The following CELF5 variants were observed in gnomAD, a reference collection of about 807,000 sequenced individuals.
CELF5 encodes CUGBP Elav-like family member 5.
Under a neutral mutation model 54.9 loss-of-function variants are expected in CELF5, and 6 were observed. That is an observed-to-expected ratio of 0.11 (90% confidence interval 0.06 to 0.22). The LOEUF is 0.22. Ranked by LOEUF, CELF5 falls within the 10% of genes least tolerant of loss-of-function variation. The probability of loss-of-function intolerance (pLI) is 1.00; values close to 1 mark genes in which losing one functional copy is unlikely to be tolerated. For synonymous variants in CELF5, 271 were observed against 290.9 expected (o/e 0.93, Z 0.70); for missense variants, 401 against 678.6 (o/e 0.59, Z 4.54).
At chr19:3,241,371 G>A (rs910851111) in intron 1 of CELF5, among the ~76,000 whole-genome samples, 2 of 151,972 alleles carry the variant, frequency 1.3e-5, no homozygotes, top group South Asian at 2.1e-4. Flanking sequence ...GTGAGCCACC[G>A]CGCCCGGCCT....
intron 1 of CELF5, among the ~76,000 whole-genome samples, chr19:3,244,465 TGTGTGCATGCATCTGTGTGTGCG>T (rs2079534024): frequency 2.0e-5 from 3 of 146,814 alleles, no homozygotes; most frequent in South Asian, 2.2e-4. Context: ...TAGTGTGTGG[TGTGTGCATGCATCTGTGTGTGCG>T]GTGTGCATGC....
At chr19:3,273,398 A>G (rs2079997691) in intron 2 of CELF5, among the ~76,000 whole-genome samples, 1 of 151,804 alleles carries the variant, frequency 6.6e-6, no homozygotes, top group African/African-American at 2.4e-5. Flanking sequence ...TCCTGGGCCT[A>G]TCCACCTGGC....
intron 2 of CELF5, among the ~76,000 whole-genome samples, chr19:3,259,938 G>C (rs1346851580): frequency 6.6e-6 from 1 of 152,086 alleles, no homozygotes. Flanking sequence ...GTAATGTTCT[G>C]GAAGAGTGTT....
chr19:3,232,520 C>T (rs566059238), intron 1 of CELF5, among the ~76,000 whole-genome samples: 42 of 151,236 alleles, frequency 2.8e-4, no homozygotes, highest in Non-Finnish European at 4.4e-4. Flanking sequence ...TCCCAGCCTG[C>T]GTGATAGAGT....
chr19:3,295,216 G>A (rs2080416012), intron 12 of CELF5: 1 of 152,164 alleles, frequency 6.6e-6, no homozygotes, highest in Non-Finnish European at 1.5e-5. Flanking sequence ...GTCTGTCCTG[G>A]GGCAGGGGCG....
chr19:3,290,970 T>G (rs556085657), intron 11 of CELF5, among the ~76,000 whole-genome samples: 47 of 151,232 alleles, frequency 3.1e-4, no homozygotes, highest in Middle Eastern at 3.5e-3. Context: ...AAAGACAACC[T>G]TTTTAATTAG....
chr19:3,273,799 G>A, intron 2 of CELF5, 73 bp from the exon 3 acceptor site: 1 of 1,115,944 alleles, frequency 9.0e-7, no homozygotes, highest in Non-Finnish European at 1.4e-6. Flanking sequence ...GGCCTGCAGA[G>A]CTCAGGCAAA....
At chr19:3,238,850 A>G (rs11672767) in intron 1 of CELF5, among the ~76,000 whole-genome samples, 1 of 152,140 alleles carries the variant, frequency 6.6e-6, no homozygotes, top group South Asian at 2.1e-4. Context: ...TTGCTTGAAC[A>G]CAGTAGGTGG....
rs2080460965 is a variant in CELF5, at chr19:3,296,743, T to C, written c.*41-15T>C. The C allele has an allele frequency of 6.6e-6, 1 of 152,214 alleles. No homozygotes were observed. Among genetic ancestry groups the C allele is most frequent in the African/African-American group, 2.4e-5 (1 of 41,470 alleles). 9.4% of individuals were successfully genotyped at this position (152,214 alleles called of 1,614,324 possible). A position where few individuals can be genotyped will look rare whatever the true frequency, so the allele number is the denominator to read the frequency against. ...TTACTGGCTGTAAATACCATTTTTA[T>C]ACTCCACATCGCAGACCTGCGTGAT... On this transcript the variant is annotated splice_polypyrimidine_tract_variant and intron_variant, in intron 12 of 12. Transcript: ENST00000292672.
intron 2 of CELF5, among the ~76,000 whole-genome samples, chr19:3,272,567 C>G (rs1385447378): frequency 2.0e-5 from 3 of 152,176 alleles, no homozygotes; most frequent in African/African-American, 7.2e-5. Flanking sequence ...ATTCCAGACG[C>G]CTTTCTGTGT....
At chr19:3,267,241 A>C (rs1373317360) in intron 2 of CELF5, among the ~76,000 whole-genome samples, 1 of 149,682 alleles carries the variant, frequency 6.7e-6, no homozygotes, top group African/African-American at 2.5e-5. Context: ...AGCCCCCCCC[A>C]CCAACCGCCC....
In CELF5 at chr19:3,280,330, G is replaced by A. The variant is rs540228544; in HGVS notation, c.604-869G>A. Among the ~76,000 whole-genome samples the A allele has an allele frequency of 1.5e-4, 23 of 152,132 alleles. No individual in the cohort carries two copies. The South Asian group carries it at 1.9e-3, about 12-fold the overall frequency. On this transcript the variant is annotated intron_variant, in intron 5 of 12. Coordinates refer to ENST00000292672, the MANE Select transcript of CELF5 (RefSeq NM_021938.4). ...TGGTGGCTGTAATCCCAGCACTTTGGGAGGTCGAGGCGGGCGGATCACTTG... is the reference window on the plus strand; with the variant it reads ...TGGTGGCTGTAATCCCAGCACTTTGAGAGGTCGAGGCGGGCGGATCACTTG...
intron 2 of CELF5, among the ~76,000 whole-genome samples, chr19:3,267,174 G>C (rs548300512): frequency 6.6e-6 from 1 of 152,166 alleles, no homozygotes; most frequent in Non-Finnish European, 1.5e-5. Flanking sequence ...CAGGAGGGGA[G>C]TGATCCAGGT....
In CELF5 at chr19:3,280,436, G is replaced by A. The variant is rs866999446; in HGVS notation, c.604-763G>A. Reference sequence around the variant, plus strand: ...AAATAAAAAAAAAAATTAGCTGGGCGTGATGGCGGGCACCTGTAATCCCAG... The same window carrying A: ...AAATAAAAAAAAAAATTAGCTGGGCATGATGGCGGGCACCTGTAATCCCAG... On this transcript the variant is annotated intron_variant, in intron 5 of 12. Transcript: ENST00000292672. Among the ~76,000 whole-genome samples the A allele has an allele frequency of 6.6e-5, 10 of 152,108 alleles. No homozygotes were observed. The South Asian group carries it at 1.0e-3, about 16-fold the overall frequency.
chr19:3,271,174 G>A (rs1452696936), intron 2 of CELF5, among the ~76,000 whole-genome samples: 1 of 148,458 alleles, frequency 6.7e-6, no homozygotes, highest in Admixed American at 6.6e-5. Context: ...GAGGAGGTGA[G>A]GGCCAACGGA....
At chr19:3,250,646 G>A (rs898827565) in intron 1 of CELF5, among the ~76,000 whole-genome samples, 1 of 151,916 alleles carries the variant, frequency 6.6e-6, no homozygotes, top group Admixed American at 6.6e-5. Flanking sequence ...CCCCTCCCCA[G>A]CCCCTGGCAC....
In CELF5 at chr19:3,278,192, A is replaced by AC; in HGVS notation, c.603+84dup. 1.0e-6 allele frequency: 1 copy of AC among 982,142 alleles called. No individual in the cohort carries two copies. Among genetic ancestry groups the AC allele is most frequent in the Non-Finnish European group, 1.5e-6 (1 of 652,080 alleles). 60.8% of individuals were successfully genotyped at this position (982,142 alleles called of 1,614,324 possible). A position where few individuals can be genotyped will look rare whatever the true frequency, so the allele number is the denominator to read the frequency against. The stretch of plus-strand genomic sequence containing the variant: ...CAGGGATGAAACAGGCCATATTCCT[A>AC]CCGTCGCTGTCATCCGGTAGCCCCT... On this transcript the variant is annotated intron_variant, in intron 5 of 12. Coordinates refer to ENST00000292672, the MANE Select transcript of CELF5 (RefSeq NM_021938.4). This position sits in a 1 kb window ranked among gnomAD's most constrained non-coding sequence, Gnocchi z 4.5.
intron 2 of CELF5, among the ~76,000 whole-genome samples, chr19:3,258,311 G>A (rs1264431971): frequency 6.6e-6 from 1 of 151,496 alleles, no homozygotes; most frequent in Non-Finnish European, 1.5e-5. Context: ...TGTAGAGACA[G>A]TGGTTTTCCT....
intron 2 of CELF5, among the ~76,000 whole-genome samples, chr19:3,259,261 A>G (rs1424959531): frequency 1.3e-5 from 2 of 152,072 alleles, no homozygotes; most frequent in Admixed American, 1.3e-4. Context: ...GGTCTCAACC[A>G]GGGTGATCCT....
Sources: allele counts gnomAD v4.1 joint callset (sites outside exome capture counted in the v4.1 genomes callset), GRCh38; gene constraint gnomAD v4.1.1; non-coding constraint Gnocchi (gnomAD v3.1); transcripts MANE v1.5; gene names NCBI Gene and HGNC (gene_info 2026-07-23, HGNC 2026-07-21).